Variants in IMMP2L observed in about 807,000 individuals in gnomAD.
The protein encoded by IMMP2L is inner mitochondrial membrane peptidase subunit 2.
A neutral mutation model predicts 19.3 loss-of-function variants in IMMP2L; 18 were observed. The ratio of observed to expected loss-of-function variants is 0.93; its 90% confidence interval spans 0.64 to 1.38. IMMP2L has a LOEUF of 1.38. Among genes scored for constraint, IMMP2L ranks in the 40% most tolerant of loss-of-function variants. The pLI is 0.00. For synonymous variants in IMMP2L, 76 were observed against 73.0 expected (o/e 1.04, Z -0.21); for missense variants, 233 against 218.2 (o/e 1.07, Z -0.43).
intron 3 of IMMP2L, among the ~76,000 whole-genome samples, chr7:110,992,186 C>T (rs1470957728): frequency 1.3e-5 from 2 of 151,892 alleles, no homozygotes; most frequent in Non-Finnish European, 2.9e-5. Flanking sequence ...ATTTTCTGTG[C>T]CCCCCAGCGT....
chr7:110,901,694 A>G (rs528962267), intron 4 of IMMP2L, among the ~76,000 whole-genome samples: 1 of 152,342 alleles, frequency 6.6e-6, no homozygotes, highest in African/African-American at 2.4e-5. Flanking sequence ...GATATTGCAT[A>G]TAAGTAATAT....
intron 3 of IMMP2L, among the ~76,000 whole-genome samples, chr7:111,345,572 A>G (rs1827456677): frequency 6.6e-6 from 1 of 152,200 alleles, no homozygotes. Flanking sequence ...AGAAACTGTG[A>G]TCTGTAAATG....
intron 3 of IMMP2L, among the ~76,000 whole-genome samples, chr7:111,004,686 C>A (rs564203389): frequency 4.8e-4 from 73 of 152,260 alleles, no homozygotes; most frequent in African/African-American, 1.7e-3. Flanking sequence ...CACCCAACCC[C>A]CTTCAAGGAA....
intron 5 of IMMP2L, among the ~76,000 whole-genome samples, chr7:110,822,843 G>A (rs1803156237): frequency 6.6e-6 from 1 of 152,020 alleles, no homozygotes; most frequent in Admixed American, 6.6e-5. Flanking sequence ...TTGCTTACAT[G>A]TCTTTCTGCT....
At chr7:110,719,360 A>G (rs904062641) in intron 5 of IMMP2L, among the ~76,000 whole-genome samples, 1 of 152,202 alleles carries the variant, frequency 6.6e-6, no homozygotes, top group African/African-American at 2.4e-5. Context: ...AGGTGAAAAG[A>G]AAAAAGGCCT....
intron 3 of IMMP2L, among the ~76,000 whole-genome samples, chr7:111,223,690 T>A (rs1350917640): frequency 6.6e-6 from 1 of 152,126 alleles, no homozygotes; most frequent in Admixed American, 6.6e-5. Flanking sequence ...TGCCTTATAT[T>A]GGCTATAGGG....
rs188949846 is a variant in IMMP2L, at chr7:111,191,544, C to T, written c.240-227979G>A. 1.7e-4 allele frequency among the ~76,000 whole-genome samples: 26 copies of T among 151,966 alleles called. 1 individual carries two copies. The highest frequency in any genetic ancestry group is 6.0e-4 in the African/African-American group (25 of 41,404). On this transcript the variant is annotated intron_variant, in intron 3 of 5. Transcript: ENST00000405709. ...ATGACTTTTAATGTACTCTTCCAGG[C>T]AAATTCCCTAAAGGCAAATACTGAT... is the stretch of plus-strand genomic sequence containing the variant.
chr7:111,500,719 G>C (rs942695763), intron 2 of IMMP2L, among the ~76,000 whole-genome samples: 7 of 152,140 alleles, frequency 4.6e-5, no homozygotes, highest in Non-Finnish European at 7.4e-5. Context: ...ACAGGGTCTG[G>C]AGTGGACATC....
chr7:111,461,676 C>T (rs915962932), intron 3 of IMMP2L, among the ~76,000 whole-genome samples: 13 of 152,058 alleles, frequency 8.5e-5, no homozygotes, highest in South Asian at 2.1e-4. Flanking sequence ...GACTGGAAAT[C>T]GCTCTTATGA....
chr7:111,424,615 T>C (rs1449811848), intron 3 of IMMP2L, among the ~76,000 whole-genome samples: 1 of 151,870 alleles, frequency 6.6e-6, no homozygotes, highest in Non-Finnish European at 1.5e-5. Context: ...GCATGATGTA[T>C]AGCCATGCTA....
chr7:111,536,844 C>T (rs1242015470), intron 1 of IMMP2L, among the ~76,000 whole-genome samples: 2 of 152,198 alleles, frequency 1.3e-5, no homozygotes, highest in South Asian at 4.1e-4. Flanking sequence ...AAGCTTGTGA[C>T]TTTGAAGACT....
intron 3 of IMMP2L, among the ~76,000 whole-genome samples, chr7:111,204,484 G>T (rs112592349): frequency 2.6e-5 from 4 of 152,126 alleles, no homozygotes; most frequent in African/African-American, 9.6e-5. Flanking sequence ...AATGCCAGTT[G>T]ATCTATATTA....
chr7:111,492,492 T>A, intron 2 of IMMP2L: 6 of 420,924 alleles, frequency 1.4e-5, no homozygotes, highest in Non-Finnish European at 1.9e-5. Flanking sequence ...AGTCCTTATC[T>A]GATGGGGACT....
At chr7:111,322,777 T>G (rs1314275956) in intron 3 of IMMP2L, among the ~76,000 whole-genome samples, 1 of 151,828 alleles carries the variant, frequency 6.6e-6, no homozygotes, top group Non-Finnish European at 1.5e-5. Context: ...AGGTTAACAT[T>G]TATGGGTCAT....
intron 3 of IMMP2L, among the ~76,000 whole-genome samples, chr7:111,254,865 T>G (rs1003316119): frequency 6.6e-6 from 1 of 152,112 alleles, no homozygotes; most frequent in Non-Finnish European, 1.5e-5. Context: ...TGTTCAAAGG[T>G]CAACTGTATA....
chr7:111,435,383 A>C (rs1053877235), intron 3 of IMMP2L, among the ~76,000 whole-genome samples: 17 of 152,040 alleles, frequency 1.1e-4, no homozygotes, highest in African/African-American at 4.1e-4. Context: ...CCTTGGCAGC[A>C]ACATGGATAG....
chr7:111,335,423 T>C (rs1270222956), intron 3 of IMMP2L, among the ~76,000 whole-genome samples: 1 of 152,006 alleles, frequency 6.6e-6, no homozygotes, highest in African/African-American at 2.4e-5. Flanking sequence ...GGAGGAAATA[T>C]CTACAGCACA....
At chr7:111,189,193 C>A (rs1808600851) in intron 3 of IMMP2L, among the ~76,000 whole-genome samples, 1 of 152,030 alleles carries the variant, frequency 6.6e-6, no homozygotes, top group Non-Finnish European at 1.5e-5. Flanking sequence ...GAATTCCATT[C>A]TTTAAAACCA....
chr7:111,372,759 G>A (rs1156508404), intron 3 of IMMP2L, among the ~76,000 whole-genome samples: 1 of 152,014 alleles, frequency 6.6e-6, no homozygotes, highest in Non-Finnish European at 1.5e-5. Context: ...CATAATGTAT[G>A]AGCAAGGATG....
Sources: allele counts gnomAD v4.1 joint callset (sites outside exome capture counted in the v4.1 genomes callset), GRCh38; gene constraint gnomAD v4.1.1; transcripts MANE v1.5; gene names NCBI Gene and HGNC (gene_info 2026-07-23, HGNC 2026-07-21).